The following ZNF385D variants were observed in gnomAD, a reference collection of about 807,000 sequenced individuals.
ZNF385D encodes zinc finger protein 385D, also known as zinc finger protein 659.
ZNF385D carries 15 observed loss-of-function variants against 35.8 expected under a neutral mutation model. The ratio of observed to expected loss-of-function variants is 0.42; its 90% CI spans 0.28 to 0.64. ZNF385D has a LOEUF of 0.64. Ranked by LOEUF, ZNF385D falls within the 30% of genes least tolerant of loss-of-function variation. The pLI, the probability that ZNF385D is intolerant of heterozygous loss-of-function variation, is 0.23. For synonymous variants in ZNF385D, 212 were observed against 186.8 expected (o/e 1.13, Z -1.10); for missense variants, 474 against 494.6 (o/e 0.96, Z 0.39).
intron 2 of ZNF385D, among the ~76,000 whole-genome samples, chr3:22,315,699 C>A (rs1467546583): frequency 6.6e-6 from 1 of 152,190 alleles, no homozygotes; most frequent in Non-Finnish European, 1.5e-5. Flanking sequence ...CCATGGCTGA[C>A]TCCATCTTGC....
intron 2 of ZNF385D, among the ~76,000 whole-genome samples, chr3:22,233,936 T>A (rs1183156893): frequency 6.6e-6 from 1 of 152,104 alleles, no homozygotes; most frequent in Non-Finnish European, 1.5e-5. Context: ...TGTGATAAGA[T>A]CAAACTCTCC....
intron 3 of ZNF385D, among the ~76,000 whole-genome samples, chr3:22,140,174 A>G (rs1456656206): frequency 1.3e-5 from 2 of 152,216 alleles, no homozygotes; most frequent in Non-Finnish European, 2.9e-5. Context: ...TGTAATATTC[A>G]AAAGTCTTTC....
At chr3:21,675,031 G>C (rs1299781743) in intron 1 of ZNF385D, among the ~76,000 whole-genome samples, 1 of 151,870 alleles carries the variant, frequency 6.6e-6, no homozygotes, top group Non-Finnish European at 1.5e-5. Flanking sequence ...TTTTTTTATT[G>C]TGTCCAAATT....
Position 21,979,167 on chromosome 3 carries a change from G to A in ZNF385D, c.325+189650C>T, listed in dbSNP as rs1207325037. On this transcript the variant is annotated intron_variant, in intron 3 of 5. Coordinates refer to the ZNF385D transcript ENST00000494108. The stretch of plus-strand genomic sequence containing the variant: ...AATCATTTGCCTGTAGAATAGTCTG[G>A]GCTGGGTCCAAACATTTGTAAAAAG... 2.6e-5 allele frequency among the ~76,000 whole-genome samples: 4 copies of A among 151,950 alleles called. No homozygotes were observed. The East Asian group carries it at 5.8e-4, about 22-fold the overall frequency.
At chr3:22,146,383 A>G (rs1460001746) in intron 3 of ZNF385D, among the ~76,000 whole-genome samples, 1 of 152,220 alleles carries the variant, frequency 6.6e-6, no homozygotes, top group African/African-American at 2.4e-5. Flanking sequence ...CTGACAGACT[A>G]CAACAGTGGG....
intron 2 of ZNF385D, among the ~76,000 whole-genome samples, chr3:22,230,281 T>C (rs1005585369): frequency 1.3e-5 from 2 of 152,164 alleles, no homozygotes; most frequent in Non-Finnish European, 2.9e-5. Context: ...TACAATTGGA[T>C]TTATCCTATA....
At chr3:22,228,846 T>C (rs750644387) in intron 2 of ZNF385D, among the ~76,000 whole-genome samples, 1 of 152,200 alleles carries the variant, frequency 6.6e-6, no homozygotes, top group African/African-American at 2.4e-5. Context: ...CTTTTTCCCA[T>C]GTTGGATATT....
At chr3:21,440,947 A>G (rs1456063908) in intron 4 of ZNF385D, among the ~76,000 whole-genome samples, 2 of 152,100 alleles carry the variant, frequency 1.3e-5, no homozygotes, top group Non-Finnish European at 2.9e-5. Flanking sequence ...GTATCTCCCA[A>G]TGCCAAATCT....
At chr3:21,673,835 A>G (rs2066646155) in intron 1 of ZNF385D, among the ~76,000 whole-genome samples, 1 of 152,096 alleles carries the variant, frequency 6.6e-6, no homozygotes, top group African/African-American at 2.4e-5. Flanking sequence ...TGGAAGTACA[A>G]TCACAAAGTT....
chr3:22,122,430 A>C (rs965537505), intron 3 of ZNF385D, among the ~76,000 whole-genome samples: 3 of 152,162 alleles, frequency 2.0e-5, no homozygotes, highest in Non-Finnish European at 4.4e-5. Context: ...TATAGTAAGT[A>C]TATCAAATGA....
intron 2 of ZNF385D, among the ~76,000 whole-genome samples, chr3:22,303,043 G>T (rs1361526257): frequency 6.6e-6 from 1 of 151,824 alleles, no homozygotes; most frequent in African/African-American, 2.4e-5. Context: ...GTTGTTAATT[G>T]CATTCTGCTA....
chr3:21,421,136 A>C lies in ZNF385D; in HGVS notation c.*78T>G, dbSNP rs1485366200. 1.7e-5 allele frequency: 20 copies of C among 1,177,690 alleles called. No individual in the cohort carries two copies. Among genetic ancestry groups the C allele is most frequent in the Non-Finnish European group, 2.4e-5 (20 of 816,520 alleles). The allele number at this position is 1,177,690 out of a possible 1,614,324, so 73.0% of individuals were successfully genotyped here. On this transcript the variant is annotated 3_prime_UTR_variant, in exon 8 of 8. Transcript: ENST00000281523. Reference sequence around the variant, plus strand: ...GATATACTTTAAACTATAAATAAACACTGCATAGTTCTCTTTTGTTTGTTT... The same window carrying C: ...GATATACTTTAAACTATAAATAAACCCTGCATAGTTCTCTTTTGTTTGTTT...
At chr3:22,062,502 G>C (rs1486826916) in intron 3 of ZNF385D, among the ~76,000 whole-genome samples, 1 of 152,204 alleles carries the variant, frequency 6.6e-6, no homozygotes, top group Non-Finnish European at 1.5e-5. Flanking sequence ...AATCATGAAA[G>C]TTGTTTCAAT....
At chr3:22,175,119 T>C (rs888455293) in intron 2 of ZNF385D, among the ~76,000 whole-genome samples, 50 of 151,924 alleles carry the variant, frequency 3.3e-4, no homozygotes, top group Non-Finnish European at 1.5e-5. Context: ...TTGTATGATA[T>C]ATACAAATCC....
chr3:21,728,128 C>T (rs1433562009), intron 1 of ZNF385D, among the ~76,000 whole-genome samples: 8 of 151,932 alleles, frequency 5.3e-5, no homozygotes, highest in Admixed American at 1.3e-4. Context: ...CACATCGCGG[C>T]CTGTCGGGTG....
chr3:22,091,549 A>C (rs894238632), intron 3 of ZNF385D, among the ~76,000 whole-genome samples: 2 of 152,008 alleles, frequency 1.3e-5, no homozygotes, highest in Non-Finnish European at 2.9e-5. Flanking sequence ...AATGAAATAC[A>C]TGAGTAGCCT....
chr3:22,309,981 C>T (rs1037363733), intron 2 of ZNF385D, among the ~76,000 whole-genome samples: 1 of 151,938 alleles, frequency 6.6e-6, no homozygotes, highest in African/African-American at 2.4e-5. Flanking sequence ...TGATGAACTG[C>T]TCAATGGACC....
chr3:22,105,027 GT>G (rs1702133538), intron 3 of ZNF385D, among the ~76,000 whole-genome samples: 1 of 152,070 alleles, frequency 6.6e-6, no homozygotes. Flanking sequence ...CTGCTAACAT[GT>G]TTAAAATTAA....
At chr3:21,699,894 C>T (rs1451774607) in intron 1 of ZNF385D, among the ~76,000 whole-genome samples, 2 of 132,728 alleles carry the variant, frequency 1.5e-5, no homozygotes, top group Non-Finnish European at 3.0e-5. Flanking sequence ...TGCAGTGGTG[C>T]GATCTTGGCT....
Sources: allele counts gnomAD v4.1 joint callset (sites outside exome capture counted in the v4.1 genomes callset), GRCh38; gene constraint gnomAD v4.1.1; transcripts MANE v1.5; gene names NCBI Gene and HGNC (gene_info 2026-07-23, HGNC 2026-07-21).